PREX2: variants seen among roughly 807,000 people sequenced by gnomAD.
The protein encoded by PREX2 is phosphatidylinositol-3,4,5-trisphosphate dependent Rac exchange factor 2.
In PREX2, 107 loss-of-function variants were observed where a neutral mutation model predicts 203.2. That is an observed-to-expected ratio of 0.53 (90% CI 0.45 to 0.62). The LOEUF is 0.62. Among genes scored for constraint, PREX2 ranks in the 20% least tolerant of loss-of-function variants. The probability of loss-of-function intolerance (pLI) is 0.00; values close to 1 mark genes in which losing one functional copy is unlikely to be tolerated. For missense variants in PREX2, 1,777 were observed against 1,955.9 expected, an observed-to-expected ratio of 0.91 and a Z score of 1.72; for synonymous variants, 672 against 663.6, an observed-to-expected ratio of 1.01 and a Z score of -0.19.
chr8:68,184,354 A>G (rs1204185538), intron 35 of PREX2, among the ~76,000 whole-genome samples: 1 of 152,208 alleles, frequency 6.6e-6, no homozygotes, highest in Non-Finnish European at 1.5e-5. Flanking sequence ...TCACACCTGT[A>G]GTCAACTGCT....
intron 35 of PREX2, among the ~76,000 whole-genome samples, chr8:68,171,217 T>C (rs1429826629): frequency 6.6e-6 from 1 of 152,164 alleles, no homozygotes; most frequent in Non-Finnish European, 1.5e-5. Context: ...AAAGCAAGTA[T>C]TCTCTGATGG....
chr8:68,217,847 C>T (rs1470163241), intron 38 of PREX2, 129 bp downstream of exon 38: 1 of 536,408 alleles, frequency 1.9e-6, no homozygotes, highest in South Asian at 2.9e-5. Flanking sequence ...AGAGGTAACT[C>T]ATGAATGAGA....
chr8:68,174,910 C>T (rs1317918958), intron 35 of PREX2, among the ~76,000 whole-genome samples: 3 of 152,210 alleles, frequency 2.0e-5, no homozygotes, highest in Non-Finnish European at 4.4e-5. Flanking sequence ...GTTTTGTGAA[C>T]TATTCTTTAT....
intron 11 of PREX2, among the ~76,000 whole-genome samples, chr8:68,067,342 C>T (rs1809046827): frequency 1.3e-5 from 2 of 152,010 alleles, no homozygotes; most frequent in African/African-American, 2.4e-5. Flanking sequence ...TTAATTCTTC[C>T]CTTCCATGAA....
intron 8 of PREX2, among the ~76,000 whole-genome samples, chr8:68,050,452 C>T (rs1179543591): frequency 6.6e-6 from 1 of 152,054 alleles, no homozygotes; most frequent in African/African-American, 2.4e-5. Flanking sequence ...TTTTAAACAA[C>T]CAGATCTCAC....
intron 17 of PREX2, among the ~76,000 whole-genome samples, chr8:68,082,004 C>T (rs1226825953): frequency 1.3e-5 from 2 of 151,224 alleles, no homozygotes; most frequent in East Asian, 2.0e-4. Context: ...GCAACTTTAC[C>T]AGCCTTTCAA....
intron 1 of PREX2, among the ~76,000 whole-genome samples, chr8:68,016,791 A>C (rs1038765901): frequency 1.3e-5 from 2 of 152,014 alleles, no homozygotes; most frequent in African/African-American, 4.8e-5. Context: ...AAACTTTAAA[A>C]ATCTTTGTAA....
chr8:68,116,067 C>T (rs959542884), intron 26 of PREX2, 135 bp downstream of exon 26: 26 of 688,278 alleles, frequency 3.8e-5, no homozygotes, highest in East Asian at 8.1e-5. Flanking sequence ...CTGTTACTAC[C>T]GACCTCAGAC....
intron 23 of PREX2, chr8:68,106,056 C>A (rs1356459479): frequency 4.5e-6 from 1 of 221,146 alleles, no homozygotes; most frequent in Non-Finnish European, 9.0e-6. Context: ...CCATGAACTC[C>A]AGGAGGGCAA....
chr8:67,989,064 G>T (rs766996901), intron 1 of PREX2, among the ~76,000 whole-genome samples: 3 of 152,044 alleles, frequency 2.0e-5, no homozygotes, highest in Non-Finnish European at 4.4e-5. Context: ...CATTGTGTCT[G>T]TCTGCTCTGG....
intron 39 of PREX2, among the ~76,000 whole-genome samples, chr8:68,228,604 T>C (rs958225308): frequency 2.7e-5 from 4 of 150,620 alleles, no homozygotes; most frequent in Admixed American, 1.3e-4. Flanking sequence ...CTACTAAAAA[T>C]ATAAAAAAAA....
At chr8:68,091,525 A>AACT (rs1809873187) in intron 20 of PREX2, among the ~76,000 whole-genome samples, 1 of 152,222 alleles carries the variant, frequency 6.6e-6, no homozygotes, top group African/African-American at 2.4e-5. Flanking sequence ...CTGGAAGATG[A>AACT]ATGGCCATTT....
intron 1 of PREX2, among the ~76,000 whole-genome samples, chr8:67,983,314 G>C (rs1265398117): frequency 1.3e-5 from 2 of 152,232 alleles, no homozygotes; most frequent in Admixed American, 6.5e-5. Context: ...GAGACCTGCA[G>C]ATGCAGGTTG....
At chr8:67,954,185 C>T (rs911146670) in intron 1 of PREX2, among the ~76,000 whole-genome samples, 1 of 152,018 alleles carries the variant, frequency 6.6e-6, no homozygotes, top group Non-Finnish European at 1.5e-5. Flanking sequence ...TAAATTTTCC[C>T]CTTTTATAAG....
intron 1 of PREX2, among the ~76,000 whole-genome samples, chr8:68,004,688 TA>T (rs1807043701): frequency 1.3e-5 from 2 of 152,336 alleles, no homozygotes; most frequent in South Asian, 4.1e-4. Context: ...TCTAAAAATA[TA>T]TAATGCTTTT....
At chr8:68,180,726 C>T (rs975093782) in intron 35 of PREX2, among the ~76,000 whole-genome samples, 3 of 152,214 alleles carry the variant, frequency 2.0e-5, no homozygotes, top group Admixed American at 6.5e-5. Flanking sequence ...AGATTCAGGA[C>T]TTGATATCTA....
At chr8:68,220,029 GAAT>G (rs2129615375) in intron 38 of PREX2, 1 of 151,566 alleles carries the variant, frequency 6.6e-6, no homozygotes, top group African/African-American at 2.4e-5. Flanking sequence ...ATATATTAGA[GAAT>G]AATATTTACT....
rs1015218330 is a variant in PREX2, at chr8:68,233,058, A to G, written c.*1680A>G. 2.0e-5 allele frequency: 3 copies of G among 152,252 alleles called. No individual in the cohort carries two copies. The highest frequency in any genetic ancestry group is 6.5e-5 in the Admixed American group (1 of 15,290). The allele number at this position is 152,252 out of a possible 1,614,324, so 9.4% of individuals were successfully genotyped here. On this transcript the variant is annotated 3_prime_UTR_variant, in exon 40 of 40. Transcript: ENST00000288368. Reference sequence around the variant, plus strand: ...ATATGTGTATACTACTAGGTAAGGTAATAATAATTGTTATTTGGCACAGAA... The same window carrying G: ...ATATGTGTATACTACTAGGTAAGGTGATAATAATTGTTATTTGGCACAGAA...
chr8:68,157,304 GTTTACT>G lies in PREX2; in HGVS notation c.4232-16_4232-11del, dbSNP rs1186751344. ...AGTTATAAAGTTGCTTGTAAAATAT[GTTTACT>G]TGTTTACACAGCACTAGAGAGCATG... On this transcript the variant is annotated splice_polypyrimidine_tract_variant and intron_variant, in intron 34 of 39. Coordinates refer to ENST00000288368, the MANE Select transcript of PREX2 (RefSeq NM_024870.4). The G allele has an allele frequency of 1.5e-6, 2 of 1,360,852 alleles. No individual in the cohort carries two copies. Among genetic ancestry groups the G allele is most frequent in the Non-Finnish European group, 2.1e-6 (2 of 960,710 alleles). The allele number at this position is 1,360,852 out of a possible 1,614,324, so 84.3% of individuals were successfully genotyped here.
Sources: gnomAD v4.1 joint callset for allele counts (sites outside exome capture counted in the v4.1 genomes callset) on GRCh38, gnomAD v4.1.1 for gene constraint, MANE v1.5 for transcripts, NCBI Gene and HGNC (gene_info 2026-07-23, HGNC 2026-07-21) for gene names.